GALNT13: variants seen among roughly 807,000 people sequenced by gnomAD.
GALNT13 encodes the protein UDP-GalNAc:polypeptide N-acetylgalactosaminyltransferase 13.
A neutral mutation model predicts 64.2 loss-of-function variants in GALNT13; 28 were observed. The ratio of observed to expected loss-of-function variants is 0.44; its 90% CI spans 0.32 to 0.60. The LOEUF (loss-of-function observed/expected upper bound fraction) is 0.60, where lower values mean the gene tolerates loss of function less well. Ranked by LOEUF, GALNT13 falls within the 20% of genes least tolerant of loss-of-function variation. GALNT13 has a pLI of 0.05. For missense variants in GALNT13, 577 were observed against 669.8 expected (o/e 0.86, Z 1.53); for synonymous variants, 214 against 224.6 (o/e 0.95, Z 0.42).
chr2:153,340,604 G>A, the GALNT13 span, among the ~76,000 whole-genome samples: 11 of 150,712 alleles, frequency 7.3e-5, no homozygotes, highest in East Asian at 2.0e-4. Flanking sequence ...GCAGTGAGCC[G>A]AGATTGCACC....
intron 3 of GALNT13, among the ~76,000 whole-genome samples, chr2:153,981,814 A>G (rs1558887897): frequency 6.6e-6 from 1 of 152,126 alleles, no homozygotes; most frequent in Non-Finnish European, 1.5e-5. Context: ...CATGGTATAC[A>G]GATCTGTTGT....
chr2:153,913,516 A>G (rs1278102827), intron 2 of GALNT13, among the ~76,000 whole-genome samples: 1 of 152,186 alleles, frequency 6.6e-6, no homozygotes, highest in East Asian at 1.9e-4. Context: ...ATGCTCCGCT[A>G]CAGACACTCC....
chr2:154,094,120 T>A (rs552469414), intron 3 of GALNT13, among the ~76,000 whole-genome samples: 12 of 152,084 alleles, frequency 7.9e-5, no homozygotes, highest in African/African-American at 2.2e-4. Context: ...TTGTTATTAC[T>A]GTTTTTCCCA....
At chr2:154,136,843 T>G (rs1229853823) in intron 3 of GALNT13, among the ~76,000 whole-genome samples, 1 of 152,156 alleles carries the variant, frequency 6.6e-6, no homozygotes, top group Non-Finnish European at 1.5e-5. Flanking sequence ...ATTTGAACAT[T>G]TCATCCATAT....
rs2105450954 is a variant in GALNT13, at chr2:154,432,264, G to C, written c.1396-6328G>C. The stretch of plus-strand genomic sequence containing the variant: ...TTTATACTATTGGAAAGTATAACTG[G>C]ATGTTAAAATTTCAGCCCAGATACC... On this transcript the variant is annotated intron_variant, in intron 11 of 12. Coordinates refer to ENST00000392825, the MANE Select transcript of GALNT13 (RefSeq NM_052917.4). Among the ~76,000 whole-genome samples the C allele has an allele frequency of 3.3e-5, 5 of 152,218 alleles. No homozygotes were observed. In the South Asian group the frequency reaches 1.0e-3, roughly 32 times the overall value.
chr2:154,430,360 G>A (rs190380082), intron 11 of GALNT13, among the ~76,000 whole-genome samples: 81 of 152,224 alleles, frequency 5.3e-4, no homozygotes, highest in Non-Finnish European at 2.4e-4. Flanking sequence ...GACTTTGAGG[G>A]GTTCAAGACA....
At chr2:154,150,409 C>T (rs929164351) in intron 4 of GALNT13, among the ~76,000 whole-genome samples, 4 of 152,252 alleles carry the variant, frequency 2.6e-5, no homozygotes, top group Admixed American at 2.6e-4. Flanking sequence ...TGTGTCTCTG[C>T]CCGGCTTTGG....
intron 2 of GALNT13, among the ~76,000 whole-genome samples, chr2:153,933,923 C>T (rs567971560): frequency 6.6e-6 from 1 of 152,226 alleles, no homozygotes; most frequent in African/African-American, 2.4e-5. Context: ...ATAGGCCCCA[C>T]AGTCTCTTTT....
chr2:154,385,406 AT>A (rs774419875), intron 9 of GALNT13, among the ~76,000 whole-genome samples: 4 of 151,838 alleles, frequency 2.6e-5, no homozygotes, highest in Non-Finnish European at 5.9e-5. Context: ...CCAGGAAAAT[AT>A]TTCCCTTTAT....
the GALNT13 span, among the ~76,000 whole-genome samples, chr2:153,786,482 C>G: frequency 6.6e-6 from 1 of 152,114 alleles, no homozygotes. Flanking sequence ...CATTTGACAA[C>G]TCCTCTGCCA....
chr2:153,862,364 CT>C, the GALNT13 span, among the ~76,000 whole-genome samples: 124,613 of 151,986 alleles, frequency 0.82, 52,306 homozygotes, highest in Non-Finnish European at 0.9. Flanking sequence ...AATTCTATTT[CT>C]TTATAAATTT....
At chr2:153,710,156 G>A in the GALNT13 span, among the ~76,000 whole-genome samples, 32 of 152,166 alleles carry the variant, frequency 2.1e-4, no homozygotes, top group South Asian at 4.8e-3. Context: ...CAGATGATAC[G>A]TATGTGAGGT....
intron 3 of GALNT13, among the ~76,000 whole-genome samples, chr2:153,962,454 G>A (rs551070345): frequency 1.3e-5 from 2 of 152,228 alleles, no homozygotes; most frequent in African/African-American, 4.8e-5. Flanking sequence ...TTTGACTTAT[G>A]TGTAAAAAGC....
At chr2:153,854,086 C>A in the GALNT13 span, among the ~76,000 whole-genome samples, 1 of 151,444 alleles carries the variant, frequency 6.6e-6, no homozygotes, top group African/African-American at 2.4e-5. Context: ...AAAATGTAAG[C>A]GTTGTAAAGA....
chr2:154,367,173 T>TGAA (rs1697415844), intron 9 of GALNT13, among the ~76,000 whole-genome samples: 1 of 152,072 alleles, frequency 6.6e-6, no homozygotes, highest in South Asian at 2.1e-4. Flanking sequence ...AAACCATAAA[T>TGAA]GAGATGAAAC....
At chr2:153,081,749 T>A in the GALNT13 span, among the ~76,000 whole-genome samples, 2 of 152,282 alleles carry the variant, frequency 1.3e-5, no homozygotes, top group Non-Finnish European at 2.9e-5. Flanking sequence ...TGTACCACAT[T>A]TTTTTTAATC....
intron 1 of GALNT13, among the ~76,000 whole-genome samples, chr2:153,876,960 T>A (rs2105226204): frequency 6.6e-6 from 1 of 152,212 alleles, no homozygotes; most frequent in South Asian, 2.1e-4. Flanking sequence ...TCTCTCTTAA[T>A]GTGTACACTA....
At chr2:153,818,101 C>A in the GALNT13 span, among the ~76,000 whole-genome samples, 1 of 131,456 alleles carries the variant, frequency 7.6e-6, no homozygotes, top group Non-Finnish European at 1.7e-5. Flanking sequence ...GGCATGGAAC[C>A]AGGGGAAGCT....
intron 11 of GALNT13, among the ~76,000 whole-genome samples, chr2:154,432,219 G>A (rs974882493): frequency 2.0e-5 from 3 of 152,124 alleles, no homozygotes; most frequent in Non-Finnish European, 4.4e-5. Context: ...TAATATAAAA[G>A]TATTTTGAAA....
Sources: allele counts gnomAD v4.1 joint callset (sites outside exome capture counted in the v4.1 genomes callset), GRCh38; gene constraint gnomAD v4.1.1; transcripts MANE v1.5; gene names NCBI Gene and HGNC (gene_info 2026-07-23, HGNC 2026-07-21).